RAD51B: variants seen among roughly 807,000 people sequenced by gnomAD.
RAD51B encodes DNA repair protein RAD51 homolog 2.
RAD51B carries 38 observed loss-of-function variants against 42.2 expected under a neutral mutation model. The ratio of observed to expected loss-of-function variants is 0.90; its 90% confidence interval spans 0.70 to 1.18. RAD51B has a LOEUF of 1.18. Among genes scored for constraint, RAD51B ranks in the 50% most tolerant of loss-of-function variants. The pLI is 0.00. For synonymous variants in RAD51B, 154 were observed against 145.2 expected (o/e 1.06, Z -0.43); for missense variants, 373 against 400.7 (o/e 0.93, Z 0.59).
chr14:68,089,336 A>G (rs2077051400), intron 7 of RAD51B, among the ~76,000 whole-genome samples: 2 of 152,130 alleles, frequency 1.3e-5, no homozygotes, highest in Admixed American at 6.6e-5. Context: ...ATGACTCATT[A>G]GTCTCTAAGT....
chr14:68,304,584 C>G (rs1247270118), intron 8 of RAD51B, among the ~76,000 whole-genome samples: 1 of 152,198 alleles, frequency 6.6e-6, no homozygotes, highest in African/African-American at 2.4e-5. Flanking sequence ...GCCCTGAAAT[C>G]TCTATGCTGA....
chr14:67,945,563 C>T (rs967891255), intron 7 of RAD51B, among the ~76,000 whole-genome samples: 4 of 152,150 alleles, frequency 2.6e-5, no homozygotes, highest in Non-Finnish European at 4.4e-5. Flanking sequence ...TCTCTCCTCC[C>T]GGGTTCAAGC....
chr14:68,264,767 T>C (rs1430758166), intron 7 of RAD51B, among the ~76,000 whole-genome samples: 1 of 152,170 alleles, frequency 6.6e-6, no homozygotes, highest in Non-Finnish European at 1.5e-5. Flanking sequence ...CAGAAGCTTT[T>C]AGGATCCAAG....
At chr14:68,109,461 A>G (rs1462352102) in intron 7 of RAD51B, among the ~76,000 whole-genome samples, 1 of 152,018 alleles carries the variant, frequency 6.6e-6, no homozygotes, top group East Asian at 1.9e-4. Context: ...ATGTAACAGG[A>G]AGCAAAGTTT....
rs552694374 is a variant in RAD51B, at chr14:68,260,414, G to C, written c.757-31470G>C. Among the ~76,000 whole-genome samples the C allele has an allele frequency of 1.6e-4, 24 of 150,384 alleles. No individual in the cohort carries two copies. The South Asian group carries it at 5.1e-3, about 32-fold the overall frequency. On this transcript the variant is annotated intron_variant, in intron 7 of 10. Coordinates refer to ENST00000471583, the MANE Select transcript of RAD51B (RefSeq NM_133510.4). ...TCTATAACAAAGGAGATTAACAAGA[G>C]AAAAGCATAGCACATTTATTTAACC...
At chr14:67,945,651 A>G (rs1232541125) in intron 7 of RAD51B, among the ~76,000 whole-genome samples, 1 of 152,012 alleles carries the variant, frequency 6.6e-6, no homozygotes, top group Non-Finnish European at 1.5e-5. Flanking sequence ...TTGTATTTTT[A>G]GTAGAGATGG....
At chr14:68,440,581 C>T (rs939775716) in intron 9 of RAD51B, among the ~76,000 whole-genome samples, 9 of 151,950 alleles carry the variant, frequency 5.9e-5, no homozygotes, top group Non-Finnish European at 1.3e-4. Context: ...CCCGTCTCTA[C>T]TAAAAAATAC....
chr14:68,407,412 A>G (rs1396720732), intron 8 of RAD51B, among the ~76,000 whole-genome samples: 1 of 152,222 alleles, frequency 6.6e-6, no homozygotes, highest in Non-Finnish European at 1.5e-5. Flanking sequence ...AGCTGAGATT[A>G]TAGTAGGTTT....
At position 67,954,658 on chromosome 14, in the gene RAD51B, A is replaced by G. The variant is rs2074513646; in HGVS notation, c.756+67454A>G. Among the ~76,000 whole-genome samples, 5 of 152,344 alleles carry G rather than the reference A, an allele frequency of 3.3e-5. No homozygotes were observed. The South Asian group carries it at 8.3e-4, about 25-fold the overall frequency. Reference sequence around the variant, plus strand: ...TACATTTTAAAGAATAAACTTTCCAACACAGACTACTCTTTCAAGGATTTA... The same window carrying G: ...TACATTTTAAAGAATAAACTTTCCAGCACAGACTACTCTTTCAAGGATTTA... On this transcript the variant is annotated intron_variant, in intron 7 of 10. Transcript: ENST00000471583.
chr14:68,340,884 A>G (rs1267192946), intron 8 of RAD51B, among the ~76,000 whole-genome samples: 1 of 152,238 alleles, frequency 6.6e-6, no homozygotes, highest in Non-Finnish European at 1.5e-5. Flanking sequence ...TGCCTTTGGC[A>G]CTCAGAGATC....
intron 10 of RAD51B, among the ~76,000 whole-genome samples, chr14:68,520,639 G>A (rs1009935870): frequency 6.6e-6 from 1 of 152,074 alleles, no homozygotes; most frequent in Non-Finnish European, 1.5e-5. Flanking sequence ...CTTTCTTTGT[G>A]CCCAGAAACT....
chr14:68,543,624 T>G (rs1361083209), intron 10 of RAD51B, among the ~76,000 whole-genome samples: 1 of 152,230 alleles, frequency 6.6e-6, no homozygotes, highest in Non-Finnish European at 1.5e-5. Context: ...GGGCAGTCAG[T>G]GTCCTGCTCA....
chr14:68,103,345 C>A (rs1413901973), intron 7 of RAD51B, among the ~76,000 whole-genome samples: 1 of 152,074 alleles, frequency 6.6e-6, no homozygotes, highest in African/African-American at 2.4e-5. Flanking sequence ...TCTATCATAC[C>A]TCTTATGAGA....
At chr14:68,246,838 G>C (rs1279129218) in intron 7 of RAD51B, among the ~76,000 whole-genome samples, 1 of 152,190 alleles carries the variant, frequency 6.6e-6, no homozygotes, top group African/African-American at 2.4e-5. Flanking sequence ...AATTTTGAAA[G>C]GCCAGGTAGG....
chr14:68,371,048 AAAAAAAAG>A lies in RAD51B; in HGVS notation c.854-40363_854-40356del, dbSNP rs1273991188. ...CAAGACTCTGTCTCAAAAAAAAAAA[AAAAAAAAG>A]AAAAAAAGAAAAGAAAATTAAAAAA... On this transcript the variant is annotated intron_variant, in intron 8 of 10. Coordinates refer to ENST00000471583, the MANE Select transcript of RAD51B (RefSeq NM_133510.4). Among the ~76,000 whole-genome samples, 146 of 115,066 alleles carry A rather than the reference AAAAAAAAG, an allele frequency of 1.3e-3. 4 individuals carry two copies. Among genetic ancestry groups the A allele is most frequent in the East Asian group, 5.4e-3 (27 of 5,018 alleles). 75.5% of individuals were successfully genotyped at this position (115,066 alleles called of 152,430 possible).
At chr14:68,297,402 G>A (rs895841708) in intron 8 of RAD51B, among the ~76,000 whole-genome samples, 3 of 152,130 alleles carry the variant, frequency 2.0e-5, no homozygotes, top group African/African-American at 7.2e-5. Context: ...TGTATTTTCA[G>A]CTTTATTATT....
At position 68,266,327 on chromosome 14, in the gene RAD51B, G is replaced by A. The variant is rs995962956; in HGVS notation, c.757-25557G>A. 2.6e-5 allele frequency among the ~76,000 whole-genome samples: 4 copies of A among 152,228 alleles called. No individual in the cohort carries two copies. The East Asian group carries it at 7.7e-4, about 29-fold the overall frequency. The stretch of plus-strand genomic sequence containing the variant: ...TATTTATATGGATAGTCATACAGAA[G>A]TATGATTGGAGCACCACAGAGTATC... On this transcript the variant is annotated intron_variant, in intron 7 of 10. Coordinates refer to ENST00000471583, the MANE Select transcript of RAD51B (RefSeq NM_133510.4).
intron 7 of RAD51B, among the ~76,000 whole-genome samples, chr14:68,070,042 T>C (rs1317271444): frequency 1.3e-5 from 2 of 152,168 alleles, no homozygotes; most frequent in African/African-American, 4.8e-5. Flanking sequence ...GTTAGTGTTA[T>C]TGAGCATTTT....
intron 5 of RAD51B, among the ~76,000 whole-genome samples, chr14:67,865,961 G>C (rs1220965498): frequency 6.6e-6 from 1 of 152,174 alleles, no homozygotes; most frequent in East Asian, 1.9e-4. Context: ...AAGATGACGA[G>C]TCACTGGGGT....
Sources: allele counts gnomAD v4.1 joint callset (sites outside exome capture counted in the v4.1 genomes callset), GRCh38; gene constraint gnomAD v4.1.1; transcripts MANE v1.5; gene names NCBI Gene and HGNC (gene_info 2026-07-23, HGNC 2026-07-21).